Variants in CDK14 observed in about 807,000 individuals in gnomAD.
CDK14 encodes cyclin dependent kinase 14.
A neutral mutation model predicts 60.7 loss-of-function variants in CDK14; 34 were observed. That is an observed-to-expected ratio of 0.56 (90% CI 0.43 to 0.75). CDK14 has a LOEUF of 0.75. Ranked by LOEUF, CDK14 falls within the 30% of genes least tolerant of loss-of-function variation. The probability of loss-of-function intolerance (pLI) is 0.00; values close to 1 mark genes in which losing one functional copy is unlikely to be tolerated. For missense variants in CDK14, 482 were observed against 564.1 expected (o/e 0.85, Z 1.47); for synonymous variants, 197 against 203.7 (o/e 0.97, Z 0.28).
intron 5 of CDK14, among the ~76,000 whole-genome samples, chr7:90,861,870 T>G (rs1483959730): frequency 6.6e-6 from 1 of 152,134 alleles, no homozygotes; most frequent in Non-Finnish European, 1.5e-5. Flanking sequence ...TCTCAAACAT[T>G]GAAAATAGGG....
chr7:91,205,462 A>G (rs1002480081), intron 14 of CDK14, among the ~76,000 whole-genome samples: 2 of 152,210 alleles, frequency 1.3e-5, no homozygotes, highest in African/African-American at 4.8e-5. Context: ...ATATGATTCC[A>G]TTTGTATATC....
chr7:90,767,967 C>T (rs564492296), intron 4 of CDK14, among the ~76,000 whole-genome samples: 2 of 152,234 alleles, frequency 1.3e-5, no homozygotes, highest in South Asian at 4.1e-4. Flanking sequence ...TATCTTTGTT[C>T]TCATGTTTTT....
intron 6 of CDK14, among the ~76,000 whole-genome samples, chr7:90,881,619 C>T (rs1344398269): frequency 6.6e-6 from 1 of 152,026 alleles, no homozygotes; most frequent in Non-Finnish European, 1.5e-5. Context: ...AAGATTAACC[C>T]CAAGACACAT....
At chr7:91,048,180 A>C (rs1219041154) in intron 11 of CDK14, among the ~76,000 whole-genome samples, 1 of 152,112 alleles carries the variant, frequency 6.6e-6, no homozygotes, top group Non-Finnish European at 1.5e-5. Flanking sequence ...CACTGACCCC[A>C]CCACAGGCCC....
intron 2 of CDK14, among the ~76,000 whole-genome samples, chr7:90,673,864 A>G (rs1801147285): frequency 6.6e-6 from 1 of 152,114 alleles, no homozygotes; most frequent in Non-Finnish European, 1.5e-5. Flanking sequence ...TCTCACCTCC[A>G]CTGACTTGTA....
chr7:91,185,786 G>A (rs958926387), intron 14 of CDK14, among the ~76,000 whole-genome samples: 16 of 151,556 alleles, frequency 1.1e-4, no homozygotes, highest in African/African-American at 3.6e-4. Flanking sequence ...AAAGCAGTTC[G>A]GGGGTTTTTA....
chr7:90,861,847 T>C (rs1417588870), intron 5 of CDK14, among the ~76,000 whole-genome samples: 1 of 151,822 alleles, frequency 6.6e-6, no homozygotes, highest in African/African-American at 2.4e-5. Flanking sequence ...AGCCCACATC[T>C]ACCCAAAACG....
At chr7:90,694,062 G>A (rs73218739) in intron 2 of CDK14, among the ~76,000 whole-genome samples, 23,922 of 152,204 alleles carry the variant, frequency 0.16, 2,006 homozygotes, top group Middle Eastern at 0.26. Context: ...TGGGAAGGAA[G>A]GAAGACTGGA....
intron 2 of CDK14, among the ~76,000 whole-genome samples, chr7:90,674,233 A>T (rs1801154123): frequency 6.6e-6 from 1 of 152,246 alleles, no homozygotes; most frequent in African/African-American, 2.4e-5. Flanking sequence ...TTTGAAGCAC[A>T]GCCATGTATT....
intron 9 of CDK14, among the ~76,000 whole-genome samples, chr7:90,962,156 G>C (rs1449606029): frequency 1.3e-5 from 2 of 151,974 alleles, no homozygotes; most frequent in Non-Finnish European, 2.9e-5. Flanking sequence ...GATAGCTTTG[G>C]CATGCTGAAA....
intron 14 of CDK14, among the ~76,000 whole-genome samples, chr7:91,121,502 TTTCTTTCC>T (rs1220170376): frequency 3.3e-5 from 5 of 152,210 alleles, no homozygotes; most frequent in African/African-American, 1.2e-4. Flanking sequence ...TGCCAAATTA[TTTCTTTCC>T]TTGCATACCA....
intron 5 of CDK14, among the ~76,000 whole-genome samples, chr7:90,797,743 G>A (rs140773459): frequency 2.0e-3 from 311 of 152,036 alleles, no homozygotes; most frequent in Non-Finnish European, 4.0e-3. Context: ...ACATGCTGAA[G>A]CAGGAGGAAT....
intron 2 of CDK14, among the ~76,000 whole-genome samples, chr7:90,691,554 T>C (rs1457366090): frequency 6.6e-6 from 1 of 152,124 alleles, no homozygotes; most frequent in Non-Finnish European, 1.5e-5. Flanking sequence ...CACAGGGCCT[T>C]GTAGGCTGCT....
rs565126112 is a variant in CDK14, at chr7:90,937,034, A to G, written c.827-18663A>G. Among the ~76,000 whole-genome samples the G allele has an allele frequency of 3.3e-5, 5 of 152,294 alleles. No individual in the cohort carries two copies. The South Asian group carries it at 1.0e-3, about 32-fold the overall frequency. On this transcript the variant is annotated intron_variant, in intron 8 of 14. Coordinates refer to ENST00000380050, the MANE Select transcript of CDK14 (RefSeq NM_001287135.2). ...TTCAAGGCTTCAGTGAGGTATGATC[A>G]TACCACAGCACTCTAGCCTGGATGA...
chr7:90,713,148 G>A (rs1802125899), intron 2 of CDK14, among the ~76,000 whole-genome samples: 1 of 152,012 alleles, frequency 6.6e-6, no homozygotes, highest in African/African-American at 2.4e-5. Context: ...CATCAATACA[G>A]CTTTCTGTTT....
intron 10 of CDK14, among the ~76,000 whole-genome samples, chr7:91,010,851 CCCT>C (rs1796139146): frequency 8.7e-6 from 1 of 115,160 alleles, no homozygotes; most frequent in Non-Finnish European, 1.8e-5. Flanking sequence ...CTCCCTCCCT[CCCT>C]CCCTCCCTCC....
intron 2 of CDK14, among the ~76,000 whole-genome samples, chr7:90,648,208 T>G (rs2116463130): frequency 6.6e-6 from 1 of 152,164 alleles, no homozygotes; most frequent in South Asian, 2.1e-4. Flanking sequence ...TTTGAAGACT[T>G]GACTGGGCCA....
chr7:90,612,554 T>G (rs1373445943), intron 2 of CDK14, among the ~76,000 whole-genome samples: 3 of 152,072 alleles, frequency 2.0e-5, no homozygotes, highest in Non-Finnish European at 4.4e-5. Context: ...GGTGGATCAC[T>G]TGAGGTCAGG....
chr7:90,978,240 A>C (rs1795132535), intron 9 of CDK14, among the ~76,000 whole-genome samples: 1 of 152,142 alleles, frequency 6.6e-6, no homozygotes, highest in Non-Finnish European at 1.5e-5. Flanking sequence ...CATGATGTAA[A>C]TTTGGAGATA....
Sources: allele counts gnomAD v4.1 joint callset (sites outside exome capture counted in the v4.1 genomes callset), GRCh38; gene constraint gnomAD v4.1.1; transcripts MANE v1.5; gene names NCBI Gene and HGNC (gene_info 2026-07-23, HGNC 2026-07-21).